MAML3: variants seen among roughly 807,000 people sequenced by gnomAD.
MAML3 encodes the protein mastermind like transcriptional coactivator 3, also known as mastermind-like protein 3.
A neutral mutation model predicts 101.9 loss-of-function variants in MAML3; 27 were observed. That is an observed-to-expected ratio of 0.27 (90% CI 0.20 to 0.37). MAML3 has a LOEUF of 0.37. Among genes scored for constraint, MAML3 ranks in the 10% least tolerant of loss-of-function variants. MAML3 has a pLI of 1.00. For missense variants in MAML3, 1,316 were observed against 1,444.9 expected, an observed-to-expected ratio of 0.91 and a Z score of 1.45; for synonymous variants, 501 against 555.9, an observed-to-expected ratio of 0.90 and a Z score of 1.39.
intron 1 of MAML3, among the ~76,000 whole-genome samples, chr4:140,017,011 A>G (rs1266105130): frequency 6.6e-6 from 1 of 152,258 alleles, no homozygotes. Flanking sequence ...TAAGAGAACG[A>G]AAGAACAATC....
chr4:139,801,633 G>GGGGTGTGTGTGTGTGTGTGTGT (rs1553957606), intron 2 of MAML3, among the ~76,000 whole-genome samples: 2 of 146,394 alleles, frequency 1.4e-5, no homozygotes, highest in African/African-American at 5.1e-5. Flanking sequence ...GCAGGAACAG[G>GGGGTGTGTGTGTGTGTGTGTGT]GTGTGTGTGG....
At chr4:140,144,761 A>G (rs1054401030) in intron 1 of MAML3, among the ~76,000 whole-genome samples, 7 of 152,128 alleles carry the variant, frequency 4.6e-5, no homozygotes, top group African/African-American at 1.7e-4. Context: ...TTACTTCTGT[A>G]AACTCCCAAA....
At chr4:139,769,503 C>G (rs751313113) in intron 2 of MAML3, among the ~76,000 whole-genome samples, 4 of 152,154 alleles carry the variant, frequency 2.6e-5, no homozygotes, top group Non-Finnish European at 4.4e-5. Context: ...GTATATCTTA[C>G]AGGAGACTGC....
chr4:139,738,125 C>T (rs1729017071), intron 2 of MAML3, among the ~76,000 whole-genome samples: 3 of 152,252 alleles, frequency 2.0e-5, no homozygotes, highest in Admixed American at 2.0e-4. Flanking sequence ...TGGCACATAA[C>T]AAACAGCTTG....
intron 1 of MAML3, among the ~76,000 whole-genome samples, chr4:140,074,255 A>AAGAAAGAG (rs1335327668): frequency 6.7e-6 from 1 of 150,088 alleles, no homozygotes; most frequent in African/African-American, 2.5e-5. Context: ...GAAAGAAAGA[A>AAGAAAGAG]AGAAAGAGGA....
chr4:139,824,917 A>G (rs1731034148), intron 2 of MAML3, among the ~76,000 whole-genome samples: 1 of 151,986 alleles, frequency 6.6e-6, no homozygotes, highest in African/African-American at 2.4e-5. Context: ...TACCATCAGA[A>G]TAAGTAAAAA....
In MAML3 at chr4:139,716,849, TA is replaced by T. The variant is rs1221848454; in HGVS notation, c.*2473del. ...ACATTTCAGCGTTCTGTACATTTCTTAAAAGGAAATAAGCAATGCTCAATGT... is the reference window on the plus strand; with the variant it reads ...ACATTTCAGCGTTCTGTACATTTCTTAAAGGAAATAAGCAATGCTCAATGT... On this transcript the variant is annotated 3_prime_UTR_variant, in exon 5 of 5. Transcript: ENST00000509479. The T allele has an allele frequency of 6.6e-6, 1 of 152,570 alleles. No individual in the cohort carries two copies. Among genetic ancestry groups the T allele is most frequent in the Non-Finnish European group, 1.5e-5 (1 of 68,024 alleles). 9.5% of individuals were successfully genotyped at this position (152,570 alleles called of 1,614,324 possible). A position where few individuals can be genotyped will look rare whatever the true frequency, so the allele number is the denominator to read the frequency against.
chr4:139,731,482 G>A (rs1045976936), intron 2 of MAML3: 1 of 151,290 alleles, frequency 6.6e-6, no homozygotes, highest in East Asian at 2.0e-4. Flanking sequence ...GCCAGACATG[G>A]TGGTGGGCAC....
At chr4:139,755,773 G>A (rs957706255) in intron 2 of MAML3, among the ~76,000 whole-genome samples, 9 of 152,218 alleles carry the variant, frequency 5.9e-5, no homozygotes, top group African/African-American at 2.2e-4. Context: ...TGCCTGAAGA[G>A]TGTAGGAAGT....
intron 1 of MAML3, among the ~76,000 whole-genome samples, chr4:140,151,757 A>T (rs1349606584): frequency 1.3e-5 from 2 of 152,046 alleles, no homozygotes; most frequent in African/African-American, 4.8e-5. Flanking sequence ...AAAGCAAAAG[A>T]ACCGGAGAGG....
chr4:139,906,371 G>A (rs1433733060), intron 1 of MAML3, among the ~76,000 whole-genome samples: 2 of 152,146 alleles, frequency 1.3e-5, no homozygotes, highest in East Asian at 1.9e-4. Flanking sequence ...AACCTCAGAG[G>A]AGGCAAAAGT....
At chr4:140,073,401 G>C (rs1727698220) in intron 1 of MAML3, among the ~76,000 whole-genome samples, 1 of 152,106 alleles carries the variant, frequency 6.6e-6, no homozygotes, top group African/African-American at 2.4e-5. Flanking sequence ...GTCTCCCAAA[G>C]TGCTGGGATT....
chr4:139,747,062 A>AG (rs1255819162), intron 2 of MAML3, among the ~76,000 whole-genome samples: 1 of 152,140 alleles, frequency 6.6e-6, no homozygotes, highest in Non-Finnish European at 1.5e-5. Flanking sequence ...TGCAGCCCTT[A>AG]GTGGTTTTGT....
chr4:140,126,450 G>A (rs991116641), intron 1 of MAML3, among the ~76,000 whole-genome samples: 5 of 152,144 alleles, frequency 3.3e-5, no homozygotes, highest in African/African-American at 1.2e-4. Context: ...ATGTGATTAT[G>A]CTGACTATAT....
chr4:139,781,181 T>A (rs555170011), intron 2 of MAML3, among the ~76,000 whole-genome samples: 1 of 152,252 alleles, frequency 6.6e-6, no homozygotes, highest in South Asian at 2.1e-4. Flanking sequence ...TTGTACATCA[T>A]CACTGAAAAA....
At chr4:139,887,698 T>C (rs1471496593) in intron 2 of MAML3, among the ~76,000 whole-genome samples, 1 of 152,226 alleles carries the variant, frequency 6.6e-6, no homozygotes, top group Non-Finnish European at 1.5e-5. Context: ...TTGGTCTGGC[T>C]TGAAGGAAAT....
chr4:139,991,883 A>G (rs934824333), intron 1 of MAML3, among the ~76,000 whole-genome samples: 1 of 152,140 alleles, frequency 6.6e-6, no homozygotes, highest in Non-Finnish European at 1.5e-5. Context: ...TTTTAAGTAT[A>G]TAATTAAAAA....
intron 2 of MAML3, among the ~76,000 whole-genome samples, chr4:139,828,576 G>C (rs1282398938): frequency 6.6e-6 from 1 of 152,170 alleles, no homozygotes; most frequent in East Asian, 1.9e-4. Flanking sequence ...TGAAAGTCTA[G>C]AGACGCCAAG....
rs1732039511 is a variant in MAML3 at position 139,872,789 on chromosome 4, A to G, written c.2079+16568T>C. On this transcript the variant is annotated intron_variant, in intron 2 of 4. Transcript: ENST00000509479. Reference sequence around the variant, plus strand: ...GGTTGGGTTTAGAGTTAAAAAAATAATCACACGGCCGGGCACAGTGGTTCA... The same window carrying G: ...GGTTGGGTTTAGAGTTAAAAAAATAGTCACACGGCCGGGCACAGTGGTTCA... Among the ~76,000 whole-genome samples the G allele has an allele frequency of 1.3e-5, 2 of 152,102 alleles. 1 individual carries two copies. The highest frequency in any genetic ancestry group is 4.1e-4 in the South Asian group (2 of 4,830).
Sources: gnomAD v4.1 joint callset for allele counts (sites outside exome capture counted in the v4.1 genomes callset) on GRCh38, gnomAD v4.1.1 for gene constraint, MANE v1.5 for transcripts, NCBI Gene and HGNC (gene_info 2026-07-23, HGNC 2026-07-21) for gene names.